SCOC: variants seen among roughly 807,000 people sequenced by gnomAD.
SCOC encodes short coiled coil protein.
Under a neutral mutation model 9.9 loss-of-function variants are expected in SCOC, and 7 were observed. The ratio of observed to expected loss-of-function variants is 0.71; its 90% CI spans 0.40 to 1.33. The LOEUF is 1.33. SCOC is among the 40% of genes most tolerant of loss of function. The probability of loss-of-function intolerance (pLI) is 0.01; values close to 1 mark genes in which losing one functional copy is unlikely to be tolerated. For missense variants in SCOC, 66 were observed against 89.7 expected (o/e 0.74, Z 1.07); for synonymous variants, 19 against 28.2 (o/e 0.67, Z 1.03).
At chr4:140,274,127 C>G (rs541402686) in intron 1 of SCOC, among the ~76,000 whole-genome samples, 1 of 152,214 alleles carries the variant, frequency 6.6e-6, no homozygotes, top group Non-Finnish European at 1.5e-5. Context: ...TCCTAAGCTA[C>G]TATGTATCAC....
At position 140,325,758 on chromosome 4, in the gene SCOC, A is replaced by T. The variant is rs190767034; in HGVS notation, c.-18-17863A>T. ...ATACTAAATAGCACAACCAGGTTGG[A>T]GGACAATTTGGAAATTTCTTATAAA... On this transcript the variant is annotated intron_variant, in intron 1 of 4. Coordinates refer to the SCOC transcript ENST00000394205. Among the ~76,000 whole-genome samples, 538 of 152,274 alleles carry T rather than the reference A, an allele frequency of 3.5e-3. 1 individual carries two copies. Among genetic ancestry groups the T allele is most frequent in the Non-Finnish European group, 5.6e-3 (382 of 67,984 alleles).
intron 1 of SCOC, among the ~76,000 whole-genome samples, chr4:140,308,602 T>C (rs1229268862): frequency 6.6e-6 from 1 of 152,160 alleles, no homozygotes; most frequent in African/African-American, 2.4e-5. Context: ...TCTTGGAGGT[T>C]GAGAGCCACG....
chr4:140,376,052 T>A (rs1728330612), intron 1 of SCOC, among the ~76,000 whole-genome samples: 1 of 152,216 alleles, frequency 6.6e-6, no homozygotes, highest in African/African-American at 2.4e-5. Context: ...ATTAGATTGA[T>A]GTTATAGCAA....
At chr4:140,299,654 C>T (rs80052202) in intron 1 of SCOC, among the ~76,000 whole-genome samples, 4,959 of 152,292 alleles carry the variant, frequency 0.033, 248 homozygotes, top group African/African-American at 0.11. Flanking sequence ...GTACACCCCT[C>T]CCCCATTAGA....
intron 2 of SCOC, chr4:140,366,775 T>C: frequency 1.4e-6 from 2 of 1,411,120 alleles, no homozygotes; most frequent in Non-Finnish European, 1.0e-6. Flanking sequence ...ATCAATAACA[T>C]CTACAGTTGC....
chr4:140,262,814 GGAGA>G (rs140878600), intron 1 of SCOC, among the ~76,000 whole-genome samples: 7 of 149,742 alleles, frequency 4.7e-5, no homozygotes, highest in South Asian at 2.1e-4. Flanking sequence ...CATGGCAGCA[GGAGA>G]GAGAGAGAGA....
rs192426160 is a variant in SCOC at position 140,269,617 on chromosome 4, G to A, written c.-19+12207G>A. 3.0e-4 allele frequency among the ~76,000 whole-genome samples: 46 copies of A among 152,208 alleles called. No individual in the cohort carries two copies. The East Asian group carries it at 8.5e-3, about 28-fold the overall frequency. On this transcript the variant is annotated intron_variant, in intron 1 of 4. Coordinates refer to the SCOC transcript ENST00000394205. ...CTAGCCAAGACTTGCCCAAATTCCT[G>A]ACCCACAAAATCATGAGATATAATA...
At chr4:140,358,721 T>C (rs1249703801) in intron 2 of SCOC, among the ~76,000 whole-genome samples, 1 of 152,184 alleles carries the variant, frequency 6.6e-6, no homozygotes, top group Non-Finnish European at 1.5e-5. Flanking sequence ...TGTGGTTCAT[T>C]TGGGGAAACC....
At chr4:140,369,799 C>G (rs1290220038), upstream of SCOC, among the ~76,000 whole-genome samples, 3 of 140,608 alleles carry the variant, frequency 2.1e-5, no homozygotes, top group Admixed American at 2.2e-4. Flanking sequence ...TCAAATATTT[C>G]TATGCAATCT....
At chr4:140,271,553 G>T (rs1421507815) in intron 1 of SCOC, among the ~76,000 whole-genome samples, 1 of 152,182 alleles carries the variant, frequency 6.6e-6, no homozygotes, top group Admixed American at 6.5e-5. Flanking sequence ...AGGTGCCTGA[G>T]CTGGGTAAAA....
intron 1 of SCOC, among the ~76,000 whole-genome samples, chr4:140,303,628 A>G (rs1731876721): frequency 6.6e-6 from 1 of 152,216 alleles, no homozygotes; most frequent in African/African-American, 2.4e-5. Context: ...TGTCCTTTCT[A>G]TAGAAAGTTC....
upstream of SCOC, among the ~76,000 whole-genome samples, chr4:140,369,890 T>G (rs1727974006): frequency 8.7e-5 from 4 of 45,950 alleles, no homozygotes; most frequent in South Asian, 2.3e-3. Context: ...TTTTTTTTTT[T>G]TTTTTTAGAT....
chr4:140,360,010 T>C (rs975240697), intron 2 of SCOC, among the ~76,000 whole-genome samples: 1 of 152,194 alleles, frequency 6.6e-6, no homozygotes, highest in Non-Finnish European at 1.5e-5. Context: ...GCAAGCCACT[T>C]GACTCCTCTG....
At chr4:140,280,437 A>AT (rs1291091332) in intron 1 of SCOC, among the ~76,000 whole-genome samples, 1 of 151,820 alleles carries the variant, frequency 6.6e-6, no homozygotes, top group Non-Finnish European at 1.5e-5. Flanking sequence ...CCATGTTGTG[A>AT]TTTTTTACTC....
chr4:140,376,109 G>A (rs1728332640), intron 1 of SCOC, among the ~76,000 whole-genome samples: 2 of 152,306 alleles, frequency 1.3e-5, no homozygotes, highest in South Asian at 4.1e-4. Flanking sequence ...GAAAAGCTCA[G>A]TATTAAGTAT....
chr4:140,260,625 T>A (rs1488689501), intron 1 of SCOC, among the ~76,000 whole-genome samples: 1 of 152,214 alleles, frequency 6.6e-6, no homozygotes, highest in East Asian at 1.9e-4. Context: ...ACCAATGTCC[T>A]GAAATTTTAG....
upstream of SCOC, among the ~76,000 whole-genome samples, chr4:140,370,093 T>A (rs1341187232): frequency 1.3e-5 from 2 of 152,084 alleles, no homozygotes; most frequent in African/African-American, 4.8e-5. Flanking sequence ...ACTTTCTAAT[T>A]TTTTTGTGTG....
chr4:140,284,153 C>T (rs933771542), intron 1 of SCOC: 7 of 151,796 alleles, frequency 4.6e-5, no homozygotes, highest in Non-Finnish European at 1.0e-4. Context: ...TATCAATGTT[C>T]AATTTTCCTA....
chr4:140,303,224 C>G (rs1178967247), intron 1 of SCOC, among the ~76,000 whole-genome samples: 1 of 152,238 alleles, frequency 6.6e-6, no homozygotes, highest in Non-Finnish European at 1.5e-5. Context: ...ATGGCACCAA[C>G]TGAAGGGTTT....
Sources: allele counts gnomAD v4.1 joint callset (sites outside exome capture counted in the v4.1 genomes callset), GRCh38; gene constraint gnomAD v4.1.1; transcripts MANE v1.5; gene names NCBI Gene and HGNC (gene_info 2026-07-23, HGNC 2026-07-21).